Variants in COL12A1 observed in about 807,000 individuals in gnomAD.
COL12A1 encodes the protein collagen type XII alpha 1 chain.
In COL12A1, 114 loss-of-function variants were observed where a neutral mutation model predicts 349.7. The observed-to-expected ratio is 0.33, with a 90% CI of 0.28 to 0.38. The LOEUF (loss-of-function observed/expected upper bound fraction) is 0.38, where lower values mean the gene tolerates loss of function less well. COL12A1 is among the 10% of genes least tolerant of loss of function. The pLI, the probability that COL12A1 is intolerant of heterozygous loss-of-function variation, is 1.00. For missense variants in COL12A1, 3,284 were observed against 3,756.9 expected (o/e 0.87, Z 3.29); for synonymous variants, 1,369 against 1,329.0 (o/e 1.03, Z -0.66).
In COL12A1 at chr6:75,156,590, T is replaced by G; in HGVS notation, c.2984-67A>C. The G allele has an allele frequency of 3.4e-6, 5 of 1,458,608 alleles. No homozygotes were observed. The South Asian group carries it at 6.4e-5, about 19-fold the overall frequency. 90.4% of individuals were successfully genotyped at this position (1,458,608 alleles called of 1,614,324 possible). A position where few individuals can be genotyped will look rare whatever the true frequency, so the allele number is the denominator to read the frequency against. On this transcript the variant is annotated intron_variant, in intron 14 of 65. Coordinates refer to ENST00000322507, the MANE Select transcript of COL12A1 (RefSeq NM_004370.6). ...AAAAAATGTATGTCCACCTCTTCAT[T>G]TATGTGAAAAGAAACTCTCTGTGGC...
At chr6:75,113,055 A>G (rs1052958534) in intron 51 of COL12A1, 149 bp downstream of exon 51, 5 of 449,236 alleles carry the variant, frequency 1.1e-5, no homozygotes, top group African/African-American at 1.0e-4. Context: ...TTTAAATATT[A>G]TTTGAATTAA....
intron 14 of COL12A1, among the ~76,000 whole-genome samples, chr6:75,158,397 C>G (rs1373952990): frequency 2.0e-5 from 3 of 152,144 alleles, no homozygotes; most frequent in African/African-American, 7.2e-5. Flanking sequence ...GAAGAGAGCC[C>G]TCACCAGAAA....
intron 27 of COL12A1, among the ~76,000 whole-genome samples, chr6:75,141,138 G>A (rs1312251141): frequency 6.6e-6 from 1 of 152,104 alleles, no homozygotes; most frequent in Non-Finnish European, 1.5e-5. Context: ...ACCAGAAAAT[G>A]TAAAACTACA....
At chr6:75,148,631 A>G (rs1767322605) in intron 21 of COL12A1, 134 bp from the exon 22 acceptor site, 3 of 729,508 alleles carry the variant, frequency 4.1e-6, no homozygotes, top group Admixed American at 2.8e-5. Context: ...CTAAGTAGCT[A>G]CAATAAATCT....
Position 75,102,578 on chromosome 6 carries a change from A to T in COL12A1, c.8415+19T>A, listed in dbSNP as rs1318567040. On this transcript the variant is annotated intron_variant, in intron 56 of 65. Transcript: ENST00000322507. ...TTTATCCACCACTCTCATTTAATAC[A>T]GAAAGGCTTTGTGCTTACTTGCTCT... 6.7e-7 allele frequency: 1 copy of T among 1,484,954 alleles called. No individual in the cohort carries two copies. The highest frequency in any genetic ancestry group is 9.0e-7 in the Non-Finnish European group (1 of 1,115,952). The allele number at this position is 1,484,954 out of a possible 1,614,324, so 92.0% of individuals were successfully genotyped here. A position where few individuals can be genotyped will look rare whatever the true frequency, so the allele number is the denominator to read the frequency against.
At chr6:75,105,640 C>T (rs1768510999) in intron 53 of COL12A1, among the ~76,000 whole-genome samples, 1 of 152,082 alleles carries the variant, frequency 6.6e-6, no homozygotes, top group Non-Finnish European at 1.5e-5. Context: ...CTCCATTATC[C>T]ACATTGTTTT....
At position 75,130,978 on chromosome 6, in the gene COL12A1, C is replaced by G; in HGVS notation, c.5941G>C (p.Val1981Leu). ...ACCATGCGCGTGTTTCCTGGCACTA[C>G]TATCTGCAGGAGAGGAAATGCCAAA... ...VDGTRPSESI[V>L]VPGNTRMVHL... Residue 1981 changes from valine to leucine, a missense_variant, in exon 36 of 66, where the codon GTA becomes CTA. Around this residue, in one of 2 missense-constraint regions of COL12A1, gnomAD observed 2,601 missense variants for 2,824.8 expected, o/e 0.92. Transcript: ENST00000322507. 1 of 1,614,134 alleles carries G rather than the reference C, an allele frequency of 6.2e-7. No homozygotes were observed. Among genetic ancestry groups the G allele is most frequent in the Non-Finnish European group, 8.5e-7 (1 of 1,180,002 alleles).
chr6:75,126,049 A>T (rs992276716), intron 39 of COL12A1, among the ~76,000 whole-genome samples: 3 of 152,130 alleles, frequency 2.0e-5, no homozygotes, highest in Non-Finnish European at 2.9e-5. Context: ...TGTAATATGC[A>T]TTATTTCATG....
At chr6:75,199,608 G>C (rs1200611487) in intron 2 of COL12A1, among the ~76,000 whole-genome samples, 1 of 152,158 alleles carries the variant, frequency 6.6e-6, no homozygotes, top group Non-Finnish European at 1.5e-5. Context: ...TATATGCAAA[G>C]TGTTAAGTTT....
chr6:75,136,728 G>A (rs1056875519), intron 31 of COL12A1, among the ~76,000 whole-genome samples: 3 of 152,154 alleles, frequency 2.0e-5, no homozygotes, highest in African/African-American at 7.2e-5. Flanking sequence ...GAGGCTTCCT[G>A]ACCTAGGATA....
chr6:75,109,299 A>C lies in COL12A1; in HGVS notation c.7951-132T>G, dbSNP rs192422725. 854 of 615,408 alleles carry C rather than the reference A, an allele frequency of 1.4e-3. 6 individuals carry two copies. In the African/African-American group the frequency reaches 0.014, roughly 10 times the overall value. The allele number at this position is 615,408 out of a possible 1,614,324, so 38.1% of individuals were successfully genotyped here. A position where few individuals can be genotyped will look rare whatever the true frequency, so the allele number is the denominator to read the frequency against. ...CCTAAATCAAAAGTCTTACTCTGAAAATCCAAGAGCAGTTGGCAATGTTGA... is the reference window on the plus strand; with the variant it reads ...CCTAAATCAAAAGTCTTACTCTGAACATCCAAGAGCAGTTGGCAATGTTGA... On this transcript the variant is annotated intron_variant, in intron 51 of 65. Coordinates refer to ENST00000322507, the MANE Select transcript of COL12A1 (RefSeq NM_004370.6).
chr6:75,091,220 T>C, intron 62 of COL12A1, 103 bp downstream of exon 62: 1 of 913,646 alleles, frequency 1.1e-6, no homozygotes, highest in East Asian at 2.5e-5. Context: ...TCAAATGAAA[T>C]GAAAGAGAAA....
rs473777 is a variant in COL12A1 at position 75,094,862 on chromosome 6, C to T, written c.8649+246G>A. Among the ~76,000 whole-genome samples the T allele has an allele frequency of 0.035, 5,360 of 152,240 alleles. 321 individuals are homozygous for T. The highest frequency in any genetic ancestry group is 0.12 in the African/African-American group (5,039 of 41,506). ...TACAGCGCAGAAATATGTGTCTTGG[C>T]TCATAATCCCATTCTCCTTTTAAAG... is the stretch of plus-strand genomic sequence containing the variant. On this transcript the variant is annotated intron_variant, in intron 60 of 65. Transcript: ENST00000322507.
intron 25 of COL12A1, among the ~76,000 whole-genome samples, chr6:75,143,774 T>C (rs1172767260): frequency 2.0e-5 from 3 of 152,130 alleles, no homozygotes; most frequent in Non-Finnish European, 4.4e-5. Flanking sequence ...AATAGAGTTA[T>C]GCACCCTCAA....
chr6:75,111,383 G>A (rs1582066102), intron 51 of COL12A1, among the ~76,000 whole-genome samples: 1 of 151,732 alleles, frequency 6.6e-6, no homozygotes, highest in Non-Finnish European at 1.5e-5. Context: ...ATAAAGAAGA[G>A]AATGTCAAAA....
chr6:75,134,181 CA>C (rs1201554165), intron 32 of COL12A1, among the ~76,000 whole-genome samples, 184 bp from the exon 33 acceptor site: 3 of 152,186 alleles, frequency 2.0e-5, no homozygotes, highest in Admixed American at 6.5e-5. Context: ...CTCATCTATC[CA>C]CAAGACATTT....
Position 75,158,581 on chromosome 6 carries a change from A to G in COL12A1, c.2984-2058T>C, listed in dbSNP as rs1484950149. On this transcript the variant is annotated intron_variant, in intron 14 of 65. Transcript: ENST00000322507. ...ATCAATAGAAACAGAACTAGAAATGACATACATTACAGAATTAAAAAGGAT... is the reference window on the plus strand; with the variant it reads ...ATCAATAGAAACAGAACTAGAAATGGCATACATTACAGAATTAAAAAGGAT... Among the ~76,000 whole-genome samples, 5 of 152,294 alleles carry G rather than the reference A, an allele frequency of 3.3e-5. 1 individual carries two copies. In the South Asian group the frequency reaches 1.0e-3, roughly 32 times the overall value.
chr6:75,181,956 CGTG>C (rs1470773512), intron 10 of COL12A1, among the ~76,000 whole-genome samples: 5 of 151,134 alleles, frequency 3.3e-5, no homozygotes, highest in Non-Finnish European at 5.9e-5. Flanking sequence ...ATTAGCCAGG[CGTG>C]GTGGCACACT....
At chr6:75,123,257 T>A (rs1320636354) in intron 43 of COL12A1, 73 bp downstream of exon 43, 1 of 1,204,264 alleles carries the variant, frequency 8.3e-7, no homozygotes, top group African/African-American at 1.5e-5. Context: ...TTGTAAATGA[T>A]GCACATGCAG....
Sources: allele counts gnomAD v4.1 joint callset (sites outside exome capture counted in the v4.1 genomes callset), GRCh38; gene constraint gnomAD v4.1.1; regional missense constraint gnomAD v4.1.1; transcripts MANE v1.5; gene names NCBI Gene and HGNC (gene_info 2026-07-23, HGNC 2026-07-21).